The following ADGRL4 variants were observed in gnomAD, a reference collection of about 807,000 sequenced individuals.
The protein encoded by ADGRL4 is adhesion G protein-coupled receptor L4, also known as EGF, latrophilin and seven transmembrane domain containing 1.
ADGRL4 carries 90 observed loss-of-function variants against 74.8 expected under a neutral mutation model. The observed-to-expected ratio is 1.20, with a 90% CI of 1.02 to 1.43. The LOEUF (loss-of-function observed/expected upper bound fraction) is 1.43, where lower values mean the gene tolerates loss of function less well. Ranked by LOEUF, ADGRL4 falls within the 40% of genes most tolerant of loss-of-function variation. ADGRL4 has a pLI of 0.00. For synonymous variants in ADGRL4, 311 were observed against 279.2 expected (o/e 1.11, Z -1.14); for missense variants, 881 against 814.3 (o/e 1.08, Z -1.00).
chr1:78,948,318 G>A (rs991416352), intron 2 of ADGRL4, among the ~76,000 whole-genome samples: 9 of 152,228 alleles, frequency 5.9e-5, no homozygotes, highest in East Asian at 3.9e-4. Flanking sequence ...TAGACCAGGT[G>A]GGTAATGTAA....
At chr1:78,976,647 T>C (rs1650288060) in intron 2 of ADGRL4, among the ~76,000 whole-genome samples, 1 of 151,642 alleles carries the variant, frequency 6.6e-6, no homozygotes, top group Non-Finnish European at 1.5e-5. Context: ...ACTTTCTGAA[T>C]CTTTATAAAA....
At chr1:78,999,607 A>T (rs1202949333) in intron 2 of ADGRL4, among the ~76,000 whole-genome samples, 4 of 152,122 alleles carry the variant, frequency 2.6e-5, no homozygotes, top group Non-Finnish European at 5.9e-5. Context: ...TACAATTTTT[A>T]TTTAGTTTTA....
intron 2 of ADGRL4, among the ~76,000 whole-genome samples, chr1:78,966,455 G>C (rs1265513357): frequency 1.3e-5 from 2 of 152,170 alleles, no homozygotes; most frequent in East Asian, 3.9e-4. Context: ...CCCAACGTGG[G>C]TCTTGAGAAG....
chr1:78,917,735 T>C (rs1276064265), intron 11 of ADGRL4, 35 bp from the exon 12 acceptor site: 2 of 1,587,908 alleles, frequency 1.3e-6, no homozygotes, highest in Non-Finnish European at 1.7e-6. Context: ...TCTATAAATA[T>C]GTTTGCATGT....
At chr1:78,982,254 C>G (rs142643506) in intron 2 of ADGRL4, among the ~76,000 whole-genome samples, 2 of 151,914 alleles carry the variant, frequency 1.3e-5, no homozygotes, top group African/African-American at 4.8e-5. Flanking sequence ...TTAACATTTT[C>G]CTATGAAAGG....
chr1:78,948,997 T>A (rs778109204), intron 2 of ADGRL4, among the ~76,000 whole-genome samples: 9 of 152,136 alleles, frequency 5.9e-5, no homozygotes, highest in Non-Finnish European at 1.3e-4. Context: ...GTTTTCATTT[T>A]TATCTTTAAA....
intron 3 of ADGRL4, among the ~76,000 whole-genome samples, chr1:78,944,488 T>C (rs967335410): frequency 6.6e-6 from 1 of 152,220 alleles, no homozygotes; most frequent in African/African-American, 2.4e-5. Context: ...CCTGAGAATG[T>C]TGTTATGCTA....
chr1:78,953,607 T>C (rs1474113993), intron 2 of ADGRL4, among the ~76,000 whole-genome samples: 1 of 152,190 alleles, frequency 6.6e-6, no homozygotes. Flanking sequence ...AATACATGGA[T>C]TCAGAGAGTA....
At chr1:78,913,296 C>T (rs533776709) in intron 12 of ADGRL4, among the ~76,000 whole-genome samples, 3 of 151,872 alleles carry the variant, frequency 2.0e-5, no homozygotes, top group Admixed American at 1.3e-4. Flanking sequence ...GGTATATACC[C>T]AAAAGAATAT....
At chr1:78,972,864 C>T (rs1650196693) in intron 2 of ADGRL4, among the ~76,000 whole-genome samples, 1 of 152,162 alleles carries the variant, frequency 6.6e-6, no homozygotes, top group Admixed American at 6.5e-5. Context: ...TGCTGCATAT[C>T]CCAGTCTGCA....
At chr1:78,935,554 TA>T (rs1013159206) in intron 7 of ADGRL4, among the ~76,000 whole-genome samples, 1 of 151,816 alleles carries the variant, frequency 6.6e-6, no homozygotes, top group African/African-American at 2.4e-5. Flanking sequence ...AAACCTACTT[TA>T]AAAAAATCTC....
At position 78,890,967 on chromosome 1, in the gene ADGRL4, C is replaced by T; in HGVS notation, c.*187G>A. 1.6e-6 allele frequency: 1 copy of T among 623,558 alleles called. No individual in the cohort carries two copies. Among genetic ancestry groups the T allele is most frequent in the South Asian group, 2.0e-5 (1 of 49,970 alleles). The allele number at this position is 623,558 out of a possible 1,614,324, so 38.6% of individuals were successfully genotyped here. ...TTTCACATAGAAAAACATAGTATAT[C>T]TATATGATACATAATTTTACCTTAT... is the stretch of plus-strand genomic sequence containing the variant. On this transcript the variant is annotated 3_prime_UTR_variant, in exon 15 of 15. Transcript: ENST00000370742.
chr1:78,927,640 G>T (rs1649146870), intron 7 of ADGRL4, among the ~76,000 whole-genome samples: 2 of 151,916 alleles, frequency 1.3e-5, no homozygotes, highest in Admixed American at 1.3e-4. Flanking sequence ...CTTGAGAGAT[G>T]GCCATTTATC....
At chr1:78,966,422 A>G (rs1175967718) in intron 2 of ADGRL4, among the ~76,000 whole-genome samples, 1 of 152,128 alleles carries the variant, frequency 6.6e-6, no homozygotes, top group Non-Finnish European at 1.5e-5. Flanking sequence ...AACTAAGGAG[A>G]AAGTCCTACA....
At chr1:78,926,371 ATG>A (rs1649114078) in intron 8 of ADGRL4, among the ~76,000 whole-genome samples, 2 of 151,790 alleles carry the variant, frequency 1.3e-5, no homozygotes, top group African/African-American at 4.9e-5. Context: ...AGCTTTAATT[ATG>A]TATGAGTCTG....
chr1:78,918,184 T>C (rs1192229401), intron 10 of ADGRL4, 134 bp from the exon 11 acceptor site: 1 of 657,070 alleles, frequency 1.5e-6, no homozygotes, highest in East Asian at 2.8e-5. Flanking sequence ...TAATGATTAG[T>C]CATATTAAAA....
At position 79,006,626 on chromosome 1, in the gene ADGRL4, C is replaced by T; in HGVS notation, c.22+7G>A. ...GACCTCGGCGACCAGGGGCGCTGAG[C>T]ACTCACCTAGGAGCGGGAGGCGTTT... On this transcript the variant is annotated splice_region_variant and intron_variant, in intron 1 of 14. Transcript: ENST00000370742. The T allele has an allele frequency of 6.5e-7, 1 of 1,534,098 alleles. No homozygotes were observed. Among genetic ancestry groups the T allele is most frequent in the Admixed American group, 2.1e-5 (1 of 47,864 alleles).
chr1:78,899,009 C>T (rs1274588436), intron 12 of ADGRL4, among the ~76,000 whole-genome samples: 1 of 152,166 alleles, frequency 6.6e-6, no homozygotes, highest in Non-Finnish European at 1.5e-5. Flanking sequence ...GCATCCCAAT[C>T]AGTCATTTTT....
chr1:78,909,911 G>T (rs1359889642), intron 12 of ADGRL4, among the ~76,000 whole-genome samples: 1 of 151,886 alleles, frequency 6.6e-6, no homozygotes, highest in Admixed American at 6.6e-5. Flanking sequence ...CAATAGGAAA[G>T]TTGTTAAATA....
Sources: allele counts gnomAD v4.1 joint callset (sites outside exome capture counted in the v4.1 genomes callset), GRCh38; gene constraint gnomAD v4.1.1; transcripts MANE v1.5; gene names NCBI Gene and HGNC (gene_info 2026-07-23, HGNC 2026-07-21).